The following NFATC1 variants were observed in gnomAD, a reference collection of about 807,000 sequenced individuals.
NFATC1 encodes the protein nuclear factor of activated T cells 1.
A neutral mutation model predicts 76.0 loss-of-function variants in NFATC1; 22 were observed. The ratio of observed to expected loss-of-function variants is 0.29; its 90% confidence interval spans 0.21 to 0.41. NFATC1 has a LOEUF of 0.41. NFATC1 is among the 10% of genes least tolerant of loss of function. The pLI, the probability that NFATC1 is intolerant of heterozygous loss-of-function variation, is 1.00. For synonymous variants in NFATC1, 704 were observed against 613.1 expected, an observed-to-expected ratio of 1.15 and a Z score of -2.19; for missense variants, 1,357 against 1,337.7, an observed-to-expected ratio of 1.01 and a Z score of -0.23.
At chr18:79,439,088 C>A (rs1028545737) in intron 3 of NFATC1, among the ~76,000 whole-genome samples, 7 of 152,146 alleles carry the variant, frequency 4.6e-5, no homozygotes, top group African/African-American at 1.7e-4. Flanking sequence ...CCGTGAGGAG[C>A]AGGTTCCTGA....
At chr18:79,450,169 G>A (rs1327068037) in intron 4 of NFATC1, among the ~76,000 whole-genome samples, 6 of 152,216 alleles carry the variant, frequency 3.9e-5, no homozygotes, top group Admixed American at 3.3e-4. Context: ...GCTGGCTGCC[G>A]CCTCGTGGGT....
Position 79,478,785 on chromosome 18 carries a change from C to T in NFATC1, c.2093-7463C>T, listed in dbSNP as rs150214977. 2.4e-3 allele frequency among the ~76,000 whole-genome samples: 371 copies of T among 152,312 alleles called. 1 individual carries two copies. The highest frequency in any genetic ancestry group is 8.5e-3 in the African/African-American group (355 of 41,576). Reference sequence around the variant, plus strand: ...CCCCCCTCCAGGACTCAGCTCCCAACGTCACTGCTACCGAGGCAGAGACTC... The same window carrying T: ...CCCCCCTCCAGGACTCAGCTCCCAATGTCACTGCTACCGAGGCAGAGACTC... On this transcript the variant is annotated intron_variant, in intron 8 of 9. Coordinates refer to ENST00000427363, the MANE Select transcript of NFATC1 (RefSeq NM_001278669.2).
At chr18:79,432,345 C>T (rs528722682) in intron 2 of NFATC1, among the ~76,000 whole-genome samples, 3 of 150,192 alleles carry the variant, frequency 2.0e-5, no homozygotes, top group Non-Finnish European at 4.5e-5. Context: ...GGACAGTCGG[C>T]GGGCCCTGGG....
At position 79,411,998 on chromosome 18, in the gene NFATC1, T is replaced by C. The variant is rs540669188; in HGVS notation, c.1226+497T>C. On this transcript the variant is annotated intron_variant, in intron 2 of 9. Coordinates refer to ENST00000427363, the MANE Select transcript of NFATC1 (RefSeq NM_001278669.2). ...CAGTAATTGCCTTCCCTGCCTCGGG[T>C]GCAGATGGGACCGCAGCTCAACAGT... Among the ~76,000 whole-genome samples the C allele has an allele frequency of 2.6e-5, 4 of 152,296 alleles. No individual in the cohort carries two copies. In the South Asian group the frequency reaches 8.3e-4, roughly 32 times the overall value.
chr18:79,401,593 C>T (rs1451335568), intron 1 of NFATC1, among the ~76,000 whole-genome samples: 2 of 152,238 alleles, frequency 1.3e-5, no homozygotes, highest in Non-Finnish European at 2.9e-5. Flanking sequence ...GGTTCCAGTC[C>T]TCCCCGGCTT....
At chr18:79,453,717 G>A (rs1398857030) in intron 6 of NFATC1, among the ~76,000 whole-genome samples, 2 of 152,384 alleles carry the variant, frequency 1.3e-5, no homozygotes, top group East Asian at 1.9e-4. Context: ...AATAGGTGCT[G>A]TGCTCGAGAG....
chr18:79,462,252 C>A (rs1194838190), intron 7 of NFATC1, among the ~76,000 whole-genome samples: 1 of 152,224 alleles, frequency 6.6e-6, no homozygotes, highest in African/African-American at 2.4e-5. Flanking sequence ...GAGGCAACGT[C>A]TTCTTGGGTG....
intron 2 of NFATC1, among the ~76,000 whole-genome samples, chr18:79,425,279 G>GTCTC: frequency 1.6e-5 from 1 of 63,716 alleles, no homozygotes; most frequent in East Asian, 3.9e-4. Context: ...CTCTCTCTCT[G>GTCTC]TCTGTCTTTC....
At chr18:79,507,944 C>T (rs759727922) in intron 9 of NFATC1, among the ~76,000 whole-genome samples, 33 of 152,368 alleles carry the variant, frequency 2.2e-4, no homozygotes, top group African/African-American at 3.8e-4. Flanking sequence ...GCAGTCGCCG[C>T]GTCAGGCGGA....
At chr18:79,488,548 C>T (rs1048226600) in intron 9 of NFATC1, among the ~76,000 whole-genome samples, 2 of 152,256 alleles carry the variant, frequency 1.3e-5, no homozygotes, top group South Asian at 4.1e-4. Flanking sequence ...GTGCAGATGT[C>T]GTCCTGAAGT....
At position 79,465,839 on chromosome 18, in the gene NFATC1, A is replaced by C. The variant is rs937928636; in HGVS notation, c.1960-1611A>C. Among the ~76,000 whole-genome samples the C allele has an allele frequency of 1.3e-5, 2 of 152,236 alleles. No individual in the cohort carries two copies. Among genetic ancestry groups the C allele is most frequent in the African/African-American group, 4.8e-5 (2 of 41,458 alleles). The stretch of plus-strand genomic sequence containing the variant: ...CCGGGTGGCCAGAGCTTCCCGGGTC[A>C]GCCCAGGAGATGGCCCAGACCCACA... On this transcript the variant is annotated intron_variant, in intron 7 of 9. Transcript: ENST00000427363. The surrounding 1 kb of genome is among the most constrained non-coding windows in gnomAD (Gnocchi z 4.2).
intron 9 of NFATC1, among the ~76,000 whole-genome samples, chr18:79,523,597 A>T (rs1428686594): frequency 1.3e-5 from 2 of 152,228 alleles, no homozygotes; most frequent in Non-Finnish European, 2.9e-5. Flanking sequence ...CTGCCCTTGT[A>T]CTTGGTAGTT....
intron 9 of NFATC1, among the ~76,000 whole-genome samples, chr18:79,487,710 C>T (rs529751456): frequency 3.4e-4 from 52 of 152,222 alleles, no homozygotes; most frequent in Admixed American, 2.6e-3. Context: ...AGGCGCAGCC[C>T]GACTTGCTTG....
Position 79,411,313 on chromosome 18 carries a change from G to A in NFATC1, c.1038G>A (p.Val346=), listed in dbSNP as rs777408035. The A allele has an allele frequency of 8.1e-6, 13 of 1,603,312 alleles. No homozygotes were observed. In the East Asian group the frequency reaches 2.0e-4, roughly 25 times the overall value. Residue 346 remains valine, a synonymous_variant, in exon 2 of 10, where the codon GTG becomes GTA. Transcript: ENST00000427363. Reference sequence around the variant, plus strand: ...CCACCCTGGAGCAGCCGCCCTCAGTGGCGCTCAAGGTGGAGCCCGTCGGGG... The same window carrying A: ...CCACCCTGGAGCAGCCGCCCTCAGTAGCGCTCAAGGTGGAGCCCGTCGGGG... ...RKTTLEQPPS[V]ALKVEPVGED...
intron 6 of NFATC1, among the ~76,000 whole-genome samples, chr18:79,455,586 G>A (rs930950478): frequency 6.6e-6 from 1 of 152,194 alleles, no homozygotes; most frequent in African/African-American, 2.4e-5. Context: ...GAGACACACA[G>A]AAATGTGGGA....
At chr18:79,512,415 A>C (rs910293990) in intron 9 of NFATC1, among the ~76,000 whole-genome samples, 4 of 151,778 alleles carry the variant, frequency 2.6e-5, no homozygotes, top group East Asian at 3.9e-4. Context: ...ACACCCACAC[A>C]CCCCGAACTT....
intron 9 of NFATC1, among the ~76,000 whole-genome samples, chr18:79,509,424 T>G (rs1280707520): frequency 6.6e-6 from 1 of 152,114 alleles, no homozygotes; most frequent in Non-Finnish European, 1.5e-5. Flanking sequence ...ATGTGGACAG[T>G]GGGCGGCGAG....
intron 4 of NFATC1, among the ~76,000 whole-genome samples, chr18:79,449,569 A>G (rs755660665): frequency 4.1e-4 from 63 of 152,348 alleles, no homozygotes; most frequent in Admixed American, 1.5e-3. Context: ...CGAGAGATTG[A>G]TGTGGTACTG....
intron 8 of NFATC1, among the ~76,000 whole-genome samples, chr18:79,478,034 C>A (rs2089143433): frequency 6.6e-6 from 1 of 152,092 alleles, no homozygotes; most frequent in South Asian, 2.1e-4. Context: ...ATAGCAGTGA[C>A]CCCACTTGTC....
Sources: allele counts gnomAD v4.1 joint callset (sites outside exome capture counted in the v4.1 genomes callset), GRCh38; gene constraint gnomAD v4.1.1; non-coding constraint Gnocchi (gnomAD v3.1); transcripts MANE v1.5; gene names NCBI Gene and HGNC (gene_info 2026-07-23, HGNC 2026-07-21).